The following NAMPT variants were observed in gnomAD, a reference collection of about 807,000 sequenced individuals.
NAMPT encodes nicotinamide phosphoribosyltransferase, also known as NAmPRTase.
In NAMPT, 7 loss-of-function variants were observed where a neutral mutation model predicts 58.7. The observed-to-expected ratio is 0.12, with a 90% CI of 0.07 to 0.22. The LOEUF (loss-of-function observed/expected upper bound fraction) is 0.22. Among genes scored for constraint, NAMPT ranks in the 10% least tolerant of loss-of-function variants. NAMPT has a pLI of 1.00. For synonymous variants in NAMPT, 145 were observed against 198.1 expected (o/e 0.73, Z 2.25); for missense variants, 271 against 567.9 (o/e 0.48, Z 5.31).
chr7:106,252,649 G>T (rs1792122993), intron 10 of NAMPT, among the ~76,000 whole-genome samples: 1 of 152,002 alleles, frequency 6.6e-6, no homozygotes, highest in Admixed American at 6.6e-5. Flanking sequence ...TAGTTTGGTT[G>T]ATTTGAATCA....
intron 1 of NAMPT, among the ~76,000 whole-genome samples, chr7:106,279,475 G>A (rs1266547057): frequency 2.0e-5 from 3 of 152,142 alleles, no homozygotes; most frequent in African/African-American, 7.2e-5. Context: ...TTAAAGCAGA[G>A]CTTTTTAAGA....
intron 1 of NAMPT, 140 bp downstream of exon 1, chr7:106,284,688 C>T (rs1792833656): frequency 6.8e-6 from 7 of 1,033,902 alleles, no homozygotes; most frequent in Non-Finnish European, 8.4e-6. Context: ...GCCGCCCGCG[C>T]CTCCCCCGGG....
intron 4 of NAMPT, chr7:106,270,468 T>C (rs910960657): frequency 9.3e-6 from 2 of 215,040 alleles, no homozygotes; most frequent in Non-Finnish European, 2.1e-5. Context: ...AAAACTACTT[T>C]GTAGCATTAG....
chr7:106,274,541 G>A (rs778514902), intron 3 of NAMPT, among the ~76,000 whole-genome samples: 1 of 152,048 alleles, frequency 6.6e-6, no homozygotes, highest in Admixed American at 6.6e-5. Context: ...AAAAAGAACT[G>A]TAATGATACT....
At chr7:106,257,070 A>T (rs1274650065) in intron 8 of NAMPT, among the ~76,000 whole-genome samples, 5 of 151,760 alleles carry the variant, frequency 3.3e-5, no homozygotes, top group African/African-American at 7.3e-5. Flanking sequence ...CAGCTACCCG[A>T]GAAGCAGAGG....
intron 8 of NAMPT, among the ~76,000 whole-genome samples, chr7:106,258,639 G>T (rs983748302): frequency 6.6e-6 from 1 of 152,154 alleles, no homozygotes; most frequent in African/African-American, 2.4e-5. Context: ...GGAATTTTTT[G>T]ATTTCCCATT....
chr7:106,264,856 T>C (rs1033369444), intron 6 of NAMPT, among the ~76,000 whole-genome samples: 6 of 151,930 alleles, frequency 3.9e-5, no homozygotes, highest in African/African-American at 1.4e-4. Context: ...ATGTCTGAAA[T>C]AATCACTTTA....
intron 3 of NAMPT, among the ~76,000 whole-genome samples, chr7:106,273,369 G>A (rs2115803085): frequency 6.6e-6 from 1 of 152,288 alleles, no homozygotes; most frequent in South Asian, 2.1e-4. Context: ...CACTAGGAAG[G>A]CAAGCTGTTT....
At chr7:106,251,331 A>T (rs1003325133) in intron 10 of NAMPT, 138 bp from the exon 11 acceptor site, 3 of 632,354 alleles carry the variant, frequency 4.7e-6, no homozygotes, top group Admixed American at 2.8e-5. Flanking sequence ...TTTGATGCAT[A>T]AAAAATGCTA....
intron 3 of NAMPT, among the ~76,000 whole-genome samples, chr7:106,273,910 T>A (rs1343800444): frequency 6.6e-6 from 1 of 151,920 alleles, no homozygotes; most frequent in Non-Finnish European, 1.5e-5. Context: ...AATTATTCTG[T>A]GTTTGACAGT....
intron 2 of NAMPT, chr7:106,276,529 CTT>C: frequency 6.5e-6 from 1 of 153,074 alleles, no homozygotes; most frequent in South Asian, 2.0e-4. Flanking sequence ...AAATTAATGA[CTT>C]TTCTAAACTT....
At chr7:106,257,391 G>A (rs1308545321) in intron 8 of NAMPT, among the ~76,000 whole-genome samples, 1 of 150,460 alleles carries the variant, frequency 6.6e-6, no homozygotes, top group Non-Finnish European at 1.5e-5. Flanking sequence ...CCTGAGTCAA[G>A]GAGTTCGAGG....
In NAMPT at chr7:106,251,162, T is replaced by C. The variant is rs751836391; in HGVS notation, c.1397A>G (p.Lys466Arg). The C allele has an allele frequency of 2.5e-6, 4 of 1,604,360 alleles. No homozygotes were observed. The highest frequency in any genetic ancestry group is 2.7e-5 in the African/African-American group (2 of 74,664). ...ATCAAATGAATAGCTTTTTGTCACC[T>C]TGCCATTCTTGAAGACAGTATGGAG... ...DLLHTVFKNG[K>R]VTKSYSFDEI... The change falls in exon 11 of 11, where the codon AAG (lysine) becomes AGG (arginine). Residue 466 changes from lysine to arginine, a missense_variant. Around this residue, in one of 4 missense-constraint regions of NAMPT, gnomAD observed 143 missense variants for 331.1 expected, o/e 0.43. Transcript: ENST00000222553.
In NAMPT at chr7:106,250,994, CTGTAA is replaced by C; in HGVS notation, c.*84_*88del. On this transcript the variant is annotated 3_prime_UTR_variant, in exon 11 of 11. Coordinates refer to ENST00000222553, the MANE Select transcript of NAMPT (RefSeq NM_005746.3). ...GTCCATAAACCAACAAATAATTTGG[CTGTAA>C]TGTATCATAAAACACAAACCCCACA... 3 of 964,676 alleles carry C rather than the reference CTGTAA, an allele frequency of 3.1e-6. No homozygotes were observed. The highest frequency in any genetic ancestry group is 4.9e-6 in the Non-Finnish European group (3 of 613,868). The allele number at this position is 964,676 out of a possible 1,614,324, so 59.8% of individuals were successfully genotyped here. A position where few individuals can be genotyped will look rare whatever the true frequency, so the allele number is the denominator to read the frequency against.
intron 8 of NAMPT, among the ~76,000 whole-genome samples, chr7:106,255,296 C>A (rs562162069): frequency 6.6e-6 from 1 of 152,316 alleles, no homozygotes; most frequent in South Asian, 2.1e-4. Context: ...TATATTCAAT[C>A]ACTTTGATGA....
upstream of NAMPT, chr7:106,285,683 C>G (rs565589086): frequency 1.5e-6 from 1 of 657,436 alleles, no homozygotes; most frequent in East Asian, 1.4e-4. Flanking sequence ...GATGCAGCGA[C>G]TCCGCTTTCC....
At chr7:106,278,288 G>A (rs1395700969) in intron 1 of NAMPT, among the ~76,000 whole-genome samples, 1 of 151,524 alleles carries the variant, frequency 6.6e-6, no homozygotes, top group Non-Finnish European at 1.5e-5. Context: ...CTGAATGAAT[G>A]TGCTGTTTCC....
intron 1 of NAMPT, among the ~76,000 whole-genome samples, chr7:106,281,703 T>G (rs1293298818): frequency 6.6e-6 from 1 of 152,214 alleles, no homozygotes; most frequent in East Asian, 1.9e-4. Flanking sequence ...CAAAAATAAT[T>G]CACTGCTATT....
chr7:106,252,870 G>A, intron 10 of NAMPT, 147 bp downstream of exon 10: 4 of 924,030 alleles, frequency 4.3e-6, no homozygotes, highest in South Asian at 2.0e-5. Flanking sequence ...ATCTTATTTT[G>A]GTAGGCCAGG....
Sources: gnomAD v4.1 joint callset for allele counts (sites outside exome capture counted in the v4.1 genomes callset) on GRCh38, gnomAD v4.1.1 for gene constraint, gnomAD v4.1.1 regional missense constraint, MANE v1.5 for transcripts, NCBI Gene and HGNC (gene_info 2026-07-23, HGNC 2026-07-21) for gene names.